GATAD2A: variants seen among roughly 807,000 people sequenced by gnomAD.
GATAD2A encodes the protein transcriptional repressor p66-alpha.
Under a neutral mutation model 68.5 loss-of-function variants are expected in GATAD2A, and 12 were observed. The ratio of observed to expected loss-of-function variants is 0.18; its 90% confidence interval spans 0.11 to 0.28. The LOEUF (loss-of-function observed/expected upper bound fraction) is 0.28, where lower values mean the gene tolerates loss of function less well. Ranked by LOEUF, GATAD2A falls within the 10% of genes least tolerant of loss-of-function variation. The probability of loss-of-function intolerance (pLI) is 1.00; values close to 1 mark genes in which losing one functional copy is unlikely to be tolerated. For synonymous variants in GATAD2A, 410 were observed against 375.3 expected, an observed-to-expected ratio of 1.09 and a Z score of -1.07; for missense variants, 755 against 868.5, an observed-to-expected ratio of 0.87 and a Z score of 1.64.
In GATAD2A at chr19:19,499,292, A is replaced by C. The variant is rs965847832; in HGVS notation, c.1204+570A>C. 5.3e-5 allele frequency among the ~76,000 whole-genome samples: 8 copies of C among 152,150 alleles called. No homozygotes were observed. In the South Asian group the frequency reaches 6.2e-4, roughly 12 times the overall value. On this transcript the variant is annotated intron_variant, in intron 8 of 11. Coordinates refer to ENST00000683918, the MANE Select transcript of GATAD2A (RefSeq NM_001384528.1). The stretch of plus-strand genomic sequence containing the variant: ...GATCTGAGTGGCCGAGTTGGCCCCC[A>C]GGGAGCCCCTGCTCCCCAGACATGG...
At chr19:19,469,450 A>T (rs976550387) in intron 2 of GATAD2A, among the ~76,000 whole-genome samples, 1 of 151,082 alleles carries the variant, frequency 6.6e-6, no homozygotes, top group Non-Finnish European at 1.5e-5. Context: ...AGAAAAAAAG[A>T]TCATCAGAAT....
At chr19:19,500,954 C>T (rs936192244) in intron 8 of GATAD2A, among the ~76,000 whole-genome samples, 164 bp from the exon 9 acceptor site, 3 of 152,220 alleles carry the variant, frequency 2.0e-5, no homozygotes, top group East Asian at 1.9e-4. Flanking sequence ...TGAAGCTGTT[C>T]GGCGTTGGCC....
intron 11 of GATAD2A, 83 bp downstream of exon 11, chr19:19,502,609 C>T (rs2060611385): frequency 2.7e-6 from 3 of 1,117,788 alleles, no homozygotes; most frequent in Admixed American, 2.2e-5. Context: ...GGCACATGTG[C>T]AGCGGGTGAA....
upstream of GATAD2A, chr19:19,401,950 G>A (rs1195816097): frequency 6.6e-6 from 1 of 152,182 alleles, no homozygotes; most frequent in Non-Finnish European, 1.5e-5. Context: ...ACACTCGAAA[G>A]ACCATTAGTC....
chr19:19,454,566 C>G (rs1387589674), intron 1 of GATAD2A, among the ~76,000 whole-genome samples: 1 of 151,516 alleles, frequency 6.6e-6, no homozygotes, highest in Non-Finnish European at 1.5e-5. Context: ...GACATTGCCC[C>G]CAGCCTGGGT....
intron 1 of GATAD2A, among the ~76,000 whole-genome samples, chr19:19,463,584 G>T (rs1179511506): frequency 6.6e-6 from 1 of 152,196 alleles, no homozygotes; most frequent in African/African-American, 2.4e-5. Flanking sequence ...GTAGGTGCAG[G>T]CTGGGATGCC....
intron 1 of GATAD2A, among the ~76,000 whole-genome samples, chr19:19,395,662 C>T (rs570998650): frequency 6.6e-6 from 1 of 152,130 alleles, no homozygotes; most frequent in Non-Finnish European, 1.5e-5. Flanking sequence ...AGCTTGTCTG[C>T]ACCAAGAGCT....
Position 19,505,218 on chromosome 19 carries a change from G to A in GATAD2A, c.1775-126G>A, listed in dbSNP as rs895786355. 112 of 790,126 alleles carry A rather than the reference G, an allele frequency of 1.4e-4. 6 individuals are homozygous for A. Among genetic ancestry groups the A allele is most frequent in the East Asian group, 2.8e-5 (1 of 35,798 alleles). 48.9% of individuals were successfully genotyped at this position (790,126 alleles called of 1,614,324 possible). A position where few individuals can be genotyped will look rare whatever the true frequency, so the allele number is the denominator to read the frequency against. Reference sequence around the variant, plus strand: ...ACGTTGATTGAGGAGTAGTGTGGGTGGGTTTGCAAGGGCTCCTGGGTCCTT... The same window carrying A: ...ACGTTGATTGAGGAGTAGTGTGGGTAGGTTTGCAAGGGCTCCTGGGTCCTT... On this transcript the variant is annotated intron_variant, in intron 11 of 11. Coordinates refer to ENST00000683918, the MANE Select transcript of GATAD2A (RefSeq NM_001384528.1).
intron 1 of GATAD2A, among the ~76,000 whole-genome samples, chr19:19,399,432 C>T (rs1014088789): frequency 6.6e-6 from 1 of 152,112 alleles, no homozygotes; most frequent in Non-Finnish European, 1.5e-5. Context: ...CTCAAGTGAT[C>T]TGCCCGCCTG....
intron 1 of GATAD2A, among the ~76,000 whole-genome samples, chr19:19,425,754 A>G (rs533660049): frequency 4.9e-4 from 75 of 151,664 alleles, no homozygotes; most frequent in Admixed American, 1.4e-3. Flanking sequence ...GGAGCTCAGA[A>G]CTTGACAGGG....
At chr19:19,488,113 AG>A (rs2059560858) in intron 2 of GATAD2A, among the ~76,000 whole-genome samples, 1 of 152,194 alleles carries the variant, frequency 6.6e-6, no homozygotes, top group African/African-American at 2.4e-5. Flanking sequence ...TTGATCAAGC[AG>A]GTCTGGGGCA....
At chr19:19,466,058 G>C (rs1046722564) in intron 2 of GATAD2A, among the ~76,000 whole-genome samples, 1 of 152,194 alleles carries the variant, frequency 6.6e-6, no homozygotes, top group African/African-American at 2.4e-5. Context: ...GCCCAGCCCA[G>C]GGCACCCTCC....
At chr19:19,453,370 TAAA>T (rs1410838998) in intron 1 of GATAD2A, among the ~76,000 whole-genome samples, 1 of 152,240 alleles carries the variant, frequency 6.6e-6, no homozygotes, top group African/African-American at 2.4e-5. Context: ...TGGGACAGTA[TAAA>T]ATTGACCCTG....
intron 1 of GATAD2A, among the ~76,000 whole-genome samples, chr19:19,416,952 G>A (rs1972253433): frequency 6.6e-6 from 1 of 152,038 alleles, no homozygotes; most frequent in African/African-American, 2.4e-5. Context: ...AGTAGAGACA[G>A]GGTTTCACCA....
chr19:19,393,572 T>C (rs2049005944), intron 1 of GATAD2A, among the ~76,000 whole-genome samples: 1 of 152,136 alleles, frequency 6.6e-6, no homozygotes, highest in Non-Finnish European at 1.5e-5. Flanking sequence ...GAAGCTTACA[T>C]CTTAGTTGCA....
At chr19:19,412,244 C>A (rs916888056) in intron 1 of GATAD2A, among the ~76,000 whole-genome samples, 2 of 151,786 alleles carry the variant, frequency 1.3e-5, no homozygotes, top group Non-Finnish European at 2.9e-5. Flanking sequence ...CAAGCTCCGC[C>A]TCCGGGGTTC....
chr19:19,396,125 A>T (rs949088487), intron 1 of GATAD2A, among the ~76,000 whole-genome samples: 1 of 152,134 alleles, frequency 6.6e-6, no homozygotes, highest in Non-Finnish European at 1.5e-5. Context: ...GTTTGAGACC[A>T]GCCTGGCCAA....
At chr19:19,409,259 A>G (rs1044722261) in intron 1 of GATAD2A, among the ~76,000 whole-genome samples, 9 of 152,058 alleles carry the variant, frequency 5.9e-5, no homozygotes, top group African/African-American at 1.2e-4. Context: ...AGGCAGGGCT[A>G]TTTTCTCTAG....
intron 8 of GATAD2A, among the ~76,000 whole-genome samples, chr19:19,500,198 C>T (rs925876363): frequency 2.0e-5 from 3 of 152,220 alleles, no homozygotes; most frequent in Non-Finnish European, 4.4e-5. Context: ...CCCAGCCTCG[C>T]ACCATGTCTG....
Sources: allele counts gnomAD v4.1 joint callset (sites outside exome capture counted in the v4.1 genomes callset), GRCh38; gene constraint gnomAD v4.1.1; transcripts MANE v1.5; gene names NCBI Gene and HGNC (gene_info 2026-07-23, HGNC 2026-07-21).